KIAA1671: variants seen among roughly 807,000 people sequenced by gnomAD.
The protein encoded by KIAA1671 is KIAA1671.
A neutral mutation model predicts 131.2 loss-of-function variants in KIAA1671; 52 were observed. That is an observed-to-expected ratio of 0.40 (90% CI 0.32 to 0.50). The LOEUF (loss-of-function observed/expected upper bound fraction) is 0.50, where lower values mean the gene tolerates loss of function less well. Among genes scored for constraint, KIAA1671 ranks in the 20% least tolerant of loss-of-function variants. The probability of loss-of-function intolerance (pLI) is 0.73; values close to 1 mark genes in which losing one functional copy is unlikely to be tolerated. For synonymous variants in KIAA1671, 1,003 were observed against 961.6 expected (o/e 1.04, Z -0.80); for missense variants, 2,360 against 2,364.2 (o/e 1.00, Z 0.04).
At chr22:25,167,056 A>T (rs1388418158) in intron 6 of KIAA1671, among the ~76,000 whole-genome samples, 3 of 152,188 alleles carry the variant, frequency 2.0e-5, no homozygotes, top group African/African-American at 7.2e-5. Flanking sequence ...CTTTGAAAAC[A>T]GTAAGGAGCT....
chr22:25,075,137 G>A (rs1929036212), intron 6 of KIAA1671, among the ~76,000 whole-genome samples: 1 of 152,120 alleles, frequency 6.6e-6, no homozygotes, highest in African/African-American at 2.4e-5. Flanking sequence ...TCCAGTGGGG[G>A]TGATTTTCCC....
chr22:25,028,489 G>A lies in KIAA1671; in HGVS notation c.490G>A (p.Ala164Thr). ...TCTGGGGAAGGCGGTTAGTGAGGGGGCGGAGGAGGCCAAGCTAGGTGTGTC... is the reference window on the plus strand; with the variant it reads ...TCTGGGGAAGGCGGTTAGTGAGGGGACGGAGGAGGCCAAGCTAGGTGTGTC... ...PALGKAVSEG[A>T]EEAKLGVSGS... Residue 164 changes from alanine (A) to threonine (T), a missense_variant, in exon 3 of 13, where the codon GCG (alanine) becomes ACG (threonine). Coordinates refer to ENST00000358431, the MANE Select transcript of KIAA1671 (RefSeq NM_001145206.2). 6.5e-7 allele frequency: 1 copy of A among 1,549,564 alleles called. No homozygotes were observed. Among genetic ancestry groups the A allele is most frequent in the South Asian group, 1.2e-5 (1 of 83,772 alleles).
intron 6 of KIAA1671, among the ~76,000 whole-genome samples, chr22:25,117,585 CCA>C (rs4049524): frequency 0.17 from 20,999 of 123,562 alleles, 1,471 homozygotes; most frequent in Admixed American, 0.2. Flanking sequence ...TCTCCCCCAA[CCA>C]CACACACACA....
intron 4 of KIAA1671, among the ~76,000 whole-genome samples, chr22:25,034,561 T>C (rs1321027938): frequency 6.6e-6 from 1 of 152,086 alleles, no homozygotes; most frequent in Non-Finnish European, 1.5e-5. Context: ...TGCTGACTAG[T>C]ATTCTATTTG....
intron 6 of KIAA1671, among the ~76,000 whole-genome samples, chr22:25,138,940 C>A (rs1218837537): frequency 6.6e-6 from 1 of 152,126 alleles, no homozygotes; most frequent in African/African-American, 2.4e-5. Context: ...TCTTTGGGTG[C>A]TTGGGAATCC....
intron 9 of KIAA1671, 136 bp from the exon 10 acceptor site, chr22:25,181,563 G>A: frequency 9.6e-7 from 1 of 1,043,100 alleles, no homozygotes; most frequent in East Asian, 2.8e-5. Flanking sequence ...GTCCTCATCT[G>A]TAAAATGGGC....
chr22:24,979,422 T>G (rs1281659212), intron 1 of KIAA1671, among the ~76,000 whole-genome samples: 1 of 151,088 alleles, frequency 6.6e-6, no homozygotes, highest in Non-Finnish European at 1.5e-5. Context: ...CTATCTCAGC[T>G]CACTGCAAGC....
intron 6 of KIAA1671, among the ~76,000 whole-genome samples, chr22:25,075,942 AT>A (rs1648504098): frequency 6.6e-6 from 1 of 151,064 alleles, no homozygotes; most frequent in Non-Finnish European, 1.5e-5. Context: ...TGCCCGGCTA[AT>A]TTTTGTATTT....
At chr22:24,999,667 A>G (rs1248127821) in intron 1 of KIAA1671, among the ~76,000 whole-genome samples, 1 of 148,386 alleles carries the variant, frequency 6.7e-6, no homozygotes. Context: ...GGTTCAAGCT[A>G]TTCTCCGGCT....
chr22:25,122,671 A>C (rs1281961133), intron 6 of KIAA1671, among the ~76,000 whole-genome samples: 1 of 152,102 alleles, frequency 6.6e-6, no homozygotes, highest in Non-Finnish European at 1.5e-5. Flanking sequence ...TATCAGTAGG[A>C]TCTCAGTGAA....
At chr22:25,178,895 C>A (rs1422145594) in intron 9 of KIAA1671, among the ~76,000 whole-genome samples, 2 of 152,228 alleles carry the variant, frequency 1.3e-5, no homozygotes, top group Non-Finnish European at 2.9e-5. Context: ...GGAAAGACAG[C>A]AGGTACTGTA....
intron 1 of KIAA1671, among the ~76,000 whole-genome samples, chr22:24,961,632 G>A (rs1341521286): frequency 6.6e-6 from 1 of 152,228 alleles, no homozygotes; most frequent in Non-Finnish European, 1.5e-5. Flanking sequence ...TTCTGTGGTG[G>A]ACAACAGAAG....
chr22:25,049,518 A>G (rs1927420184), intron 6 of KIAA1671, 154 bp downstream of exon 6: 4 of 809,246 alleles, frequency 4.9e-6, no homozygotes, highest in Non-Finnish European at 7.5e-6. Flanking sequence ...TCACCTGACT[A>G]GCTGTGTTGT....
chr22:25,072,757 T>C (rs1928898263), intron 6 of KIAA1671, among the ~76,000 whole-genome samples: 1 of 152,170 alleles, frequency 6.6e-6, no homozygotes, highest in African/African-American at 2.4e-5. Context: ...GGCAATTCCT[T>C]TGAATTCTCT....
At position 25,040,158 on chromosome 22, in the gene KIAA1671, C is replaced by T; in HGVS notation, c.3028C>T (p.Gln1010Ter). The change falls in exon 5 of 13, where the codon CAG becomes TAG. Residue 1010 changes from glutamine (Q) to a stop codon, truncating the protein, a stop_gained. Transcript: ENST00000358431. LOFTEE classifies it high-confidence loss of function. ...QEVNPGASRD[Q>*]TSPAVKQGSP... ...GGTGAACCCAGGTGCTTCACGGGACCAGACTTCCCCAGCAGTGAAGCAAGG... is the reference window on the plus strand; with the variant it reads ...GGTGAACCCAGGTGCTTCACGGGACTAGACTTCCCCAGCAGTGAAGCAAGG... The T allele has an allele frequency of 6.4e-7, 1 of 1,551,678 alleles. No homozygotes were observed. Among genetic ancestry groups the T allele is most frequent in the Non-Finnish European group, 8.7e-7 (1 of 1,146,998 alleles).
Position 25,027,933 on chromosome 22 carries a change from T to C in KIAA1671, c.-55-12T>C. 8.2e-7 allele frequency: 1 copy of C among 1,216,506 alleles called. No individual in the cohort carries two copies. The allele number at this position is 1,216,506 out of a possible 1,614,324, so 75.4% of individuals were successfully genotyped here. ...TTCCAAATTTACTTGTTTGTTTGTT[T>C]TGTTTGTTTAGCAATTGCTTCTCCA... On this transcript the variant is annotated splice_polypyrimidine_tract_variant and intron_variant, in intron 2 of 12. Transcript: ENST00000358431.
chr22:25,192,218 T>C (rs1169461911), intron 12 of KIAA1671, among the ~76,000 whole-genome samples, 188 bp from the exon 13 acceptor site: 1 of 152,106 alleles, frequency 6.6e-6, no homozygotes, highest in African/African-American at 2.4e-5. Context: ...TTGGTTTCAC[T>C]GTATTCCATG....
At chr22:25,027,061 C>T (rs984183313) in intron 2 of KIAA1671, among the ~76,000 whole-genome samples, 47 of 152,120 alleles carry the variant, frequency 3.1e-4, no homozygotes, top group African/African-American at 1.0e-3. Flanking sequence ...TGGCATAGCT[C>T]GAGATCTCAC....
intron 6 of KIAA1671, among the ~76,000 whole-genome samples, chr22:25,164,978 CGTGTGTGTGTGTGTGT>C (rs59765745): frequency 3.1e-4 from 36 of 116,584 alleles, no homozygotes; most frequent in Admixed American, 3.7e-4. Context: ...GAGTTGCAGG[CGTGTGTGTGTGTGTGT>C]GTGTGTGTGT....
Sources: gnomAD v4.1 joint callset for allele counts (sites outside exome capture counted in the v4.1 genomes callset) on GRCh38, gnomAD v4.1.1 for gene constraint, MANE v1.5 for transcripts, NCBI Gene and HGNC (gene_info 2026-07-23, HGNC 2026-07-21) for gene names.